NIPBL: variants seen among roughly 807,000 people sequenced by gnomAD.
The protein encoded by NIPBL is NIPBL cohesin loading factor, also known as nipped-B-like protein.
NIPBL carries 19 observed loss-of-function variants against 321.8 expected under a neutral mutation model. That is an observed-to-expected ratio of 0.06 (90% confidence interval 0.04 to 0.09). The LOEUF (loss-of-function observed/expected upper bound fraction) is 0.09. NIPBL is among the 10% of genes least tolerant of loss of function. The pLI is 1.00. For synonymous variants in NIPBL, 1,106 were observed against 1,114.1 expected (o/e 0.99, Z 0.14); for missense variants, 2,210 against 3,327.0 (o/e 0.66, Z 8.26).
At chr5:37,044,844 C>A in intron 36 of NIPBL, 115 bp downstream of exon 36, 1 of 734,786 alleles carries the variant, frequency 1.4e-6, no homozygotes, top group Admixed American at 2.2e-5. Context: ...GTGTGATTAT[C>A]CACCGTGGTC....
intron 32 of NIPBL, among the ~76,000 whole-genome samples, chr5:37,029,675 G>A (rs1287491517): frequency 6.6e-6 from 1 of 152,140 alleles, no homozygotes; most frequent in Non-Finnish European, 1.5e-5. Flanking sequence ...CACCATCAGT[G>A]TATGAAAGTT....
chr5:37,026,122 T>C, intron 30 of NIPBL, 107 bp from the exon 31 acceptor site: 1 of 666,554 alleles, frequency 1.5e-6, no homozygotes, highest in Non-Finnish European at 2.7e-6. Flanking sequence ...GCAGTTTGTG[T>C]TTTGATTAGT....
chr5:36,950,015 G>C (rs1175358786), intron 1 of NIPBL, among the ~76,000 whole-genome samples: 3 of 151,864 alleles, frequency 2.0e-5, no homozygotes, highest in Non-Finnish European at 4.4e-5. Flanking sequence ...CTTAAATTTA[G>C]TTTATAAATG....
chr5:36,951,101 G>A (rs764980370), intron 1 of NIPBL, among the ~76,000 whole-genome samples: 19 of 152,114 alleles, frequency 1.2e-4, no homozygotes, highest in Admixed American at 3.3e-4. Context: ...TTGCTCTCCC[G>A]CCCTTTCCCC....
At chr5:37,039,880 G>A (rs905341838) in intron 34 of NIPBL, among the ~76,000 whole-genome samples, 6 of 152,082 alleles carry the variant, frequency 3.9e-5, no homozygotes, top group South Asian at 2.1e-4. Flanking sequence ...TTTAGGGTTC[G>A]TATTAGATCC....
At chr5:36,918,999 G>A (rs940572545) in intron 1 of NIPBL, among the ~76,000 whole-genome samples, 1 of 151,896 alleles carries the variant, frequency 6.6e-6, no homozygotes, top group Non-Finnish European at 1.5e-5. Flanking sequence ...TTTTTGTTGT[G>A]TCTCTGCCAG....
intron 40 of NIPBL, 172 bp from the exon 41 acceptor site, chr5:37,051,607 A>G: frequency 1.6e-6 from 1 of 616,812 alleles, no homozygotes; most frequent in Non-Finnish European, 2.9e-6. Flanking sequence ...TCTGGATTTA[A>G]GCTGAATCTC....
intron 13 of NIPBL, 46 bp from the exon 14 acceptor site, chr5:37,000,943 T>C: frequency 6.4e-7 from 1 of 1,573,372 alleles, no homozygotes; most frequent in Non-Finnish European, 8.7e-7. Context: ...GCTTCACATG[T>C]CTACTTGTAA....
rs143420538 is a variant in NIPBL, at chr5:37,058,902, G to C, written c.7422G>C (p.Lys2474Asn). 5 of 1,613,918 alleles carry C rather than the reference G, an allele frequency of 3.1e-6. No homozygotes were observed. In the East Asian group the frequency reaches 6.7e-5, roughly 22 times the overall value. Residue 2474 changes from lysine to asparagine, a missense_variant, in exon 44 of 47, where the codon AAG (lysine) becomes AAC (asparagine). Transcript: ENST00000282516. Reference protein sequence around the residue: ...LLQSFKESMVKDKRKERKSSP... With the variant: ...LLQSFKESMVNDKRKERKSSP... ...ATTTTTTCTTTCAGTCTATGGTAAAGGACAAAAGGAAAGAGAGAAAATCAT... is the reference window on the plus strand; with the variant it reads ...ATTTTTTCTTTCAGTCTATGGTAAACGACAAAAGGAAAGAGAGAAAATCAT...
chr5:37,059,216 A>G, intron 44 of NIPBL, 51 bp downstream of exon 44: 1 of 1,588,712 alleles, frequency 6.3e-7, no homozygotes, highest in Non-Finnish European at 8.6e-7. Flanking sequence ...TTCAAATAAT[A>G]AATATTTGGG....
intron 1 of NIPBL, chr5:36,886,564 A>G: frequency 1.6e-6 from 1 of 619,454 alleles, no homozygotes; most frequent in South Asian, 1.8e-5. Flanking sequence ...TCATTGGGGG[A>G]AAATAGGCTA....
chr5:36,885,973 C>T (rs1745873393), intron 1 of NIPBL: 3 of 728,492 alleles, frequency 4.1e-6, no homozygotes, highest in Non-Finnish European at 5.0e-6. Context: ...CCCAATACGA[C>T]GAGCTAGCTC....
chr5:36,970,183 G>A (rs548530838), intron 6 of NIPBL, among the ~76,000 whole-genome samples: 46 of 152,052 alleles, frequency 3.0e-4, no homozygotes, highest in Non-Finnish European at 1.3e-4. Context: ...GAAGCCAGGA[G>A]TTTGAGAGCA....
At chr5:37,000,273 G>A (rs891210275) in intron 11 of NIPBL, 100 bp from the exon 12 acceptor site, 1 of 1,131,208 alleles carries the variant, frequency 8.8e-7, no homozygotes. Flanking sequence ...AGACCCTATG[G>A]AATGAAGATT....
At position 37,003,355 on chromosome 5, in the gene NIPBL, T is replaced by C; in HGVS notation, c.3855+8T>C. The C allele has an allele frequency of 6.6e-7, 1 of 1,504,342 alleles. No individual in the cohort carries two copies. Among genetic ancestry groups the C allele is most frequent in the Non-Finnish European group, 9.3e-7 (1 of 1,081,034 alleles). The allele number at this position is 1,504,342 out of a possible 1,614,324, so 93.2% of individuals were successfully genotyped here. On this transcript the variant is annotated splice_region_variant and intron_variant, in intron 16 of 46. Coordinates refer to ENST00000282516, the MANE Select transcript of NIPBL (RefSeq NM_133433.4). The stretch of plus-strand genomic sequence containing the variant: ...TCCACTTTGTTAAATCATGTAAGTT[T>C]AAGATCCATACTGTTAATTTTACCC...
At chr5:36,953,269 TC>T (rs144424499) in intron 1 of NIPBL, among the ~76,000 whole-genome samples, 1 of 152,356 alleles carries the variant, frequency 6.6e-6, no homozygotes, top group African/African-American at 2.4e-5. Flanking sequence ...GATCAAGTAT[TC>T]CTTTCTAGCA....
chr5:36,977,444 A>G lies in NIPBL; in HGVS notation c.1495+1042A>G, dbSNP rs1476410540. Among the ~76,000 whole-genome samples the G allele has an allele frequency of 2.6e-5, 4 of 151,970 alleles. No individual in the cohort carries two copies. The East Asian group carries it at 7.7e-4, about 29-fold the overall frequency. On this transcript the variant is annotated intron_variant, in intron 9 of 46. Coordinates refer to ENST00000282516, the MANE Select transcript of NIPBL (RefSeq NM_133433.4). ...AGTATTATATTTCCTGTCTGTCATGATGGCTCATTTTAATGTTATTGAAAA... is the reference window on the plus strand; with the variant it reads ...AGTATTATATTTCCTGTCTGTCATGGTGGCTCATTTTAATGTTATTGAAAA...
chr5:37,031,140 C>T (rs929301915), intron 32 of NIPBL, among the ~76,000 whole-genome samples: 5 of 152,108 alleles, frequency 3.3e-5, no homozygotes, highest in East Asian at 3.9e-4. Flanking sequence ...CCCACCACCA[C>T]GCCTGGCTAA....
chr5:37,020,576 A>G lies in NIPBL; in HGVS notation c.5128A>G (p.Ile1710Val), dbSNP rs1749509869. 2 of 1,614,030 alleles carry G rather than the reference A, an allele frequency of 1.2e-6. No homozygotes were observed. The highest frequency in any genetic ancestry group is 1.7e-6 in the Non-Finnish European group (2 of 1,180,022). ...TGAAGGAACACATCATGCAAAGGAA[A>G]TTGAGACAACTGGCCAAATTATGCA... ...SSEGTHHAKE[I>V]ETTGQIMHRA... Residue 1710 changes from isoleucine to valine, a missense_variant, in exon 26 of 47, where the codon ATT (isoleucine) becomes GTT (valine). Transcript: ENST00000282516.
Sources: gnomAD v4.1 joint callset for allele counts (sites outside exome capture counted in the v4.1 genomes callset) on GRCh38, gnomAD v4.1.1 for gene constraint, MANE v1.5 for transcripts, NCBI Gene and HGNC (gene_info 2026-07-23, HGNC 2026-07-21) for gene names.